Variants in FBXW11 observed in about 807,000 individuals in gnomAD.
The protein encoded by FBXW11 is F-box and WD repeat domain containing 11, also known as F-box/WD repeat-containing protein 11.
A neutral mutation model predicts 77.6 loss-of-function variants in FBXW11; 19 were observed. That is an observed-to-expected ratio of 0.24 (90% CI 0.17 to 0.36). The LOEUF is 0.36. FBXW11 is among the 10% of genes least tolerant of loss of function. FBXW11 has a pLI of 1.00. For synonymous variants in FBXW11, 235 were observed against 249.4 expected (o/e 0.94, Z 0.54); for missense variants, 334 against 704.2 (o/e 0.47, Z 5.95).
At chr5:171,881,159 T>C (rs762137623) in intron 7 of FBXW11, among the ~76,000 whole-genome samples, 3 of 152,196 alleles carry the variant, frequency 2.0e-5, no homozygotes, top group Non-Finnish European at 2.9e-5. Flanking sequence ...TCTACAATCA[T>C]GTCATCTACA....
intron 1 of FBXW11, among the ~76,000 whole-genome samples, chr5:171,991,652 C>G (rs1198232983): frequency 6.6e-6 from 1 of 152,156 alleles, no homozygotes. Flanking sequence ...TTTTTGTCAC[C>G]AGATGCATAA....
At chr5:171,915,565 A>C (rs1761170249) in intron 2 of FBXW11, among the ~76,000 whole-genome samples, 1 of 150,636 alleles carries the variant, frequency 6.6e-6, no homozygotes, top group Non-Finnish European at 1.5e-5. Flanking sequence ...GGAAAGTCAA[A>C]GGCTTTGAAG....
intron 10 of FBXW11, 53 bp from the exon 11 acceptor site, chr5:171,870,911 T>C (rs1581122752): frequency 7.7e-7 from 1 of 1,294,334 alleles, no homozygotes; most frequent in Non-Finnish European, 1.1e-6. Flanking sequence ...CGATTCACAC[T>C]ATCCGTAAGT....
intron 1 of FBXW11, among the ~76,000 whole-genome samples, chr5:171,985,020 G>A (rs560461657): frequency 8.5e-5 from 13 of 152,230 alleles, no homozygotes; most frequent in African/African-American, 2.6e-4. Context: ...TCTCTTAATA[G>A]TCTGATTTAC....
intron 7 of FBXW11, among the ~76,000 whole-genome samples, chr5:171,888,113 C>G (rs1433435903): frequency 6.6e-6 from 1 of 152,168 alleles, no homozygotes; most frequent in African/African-American, 2.4e-5. Flanking sequence ...GGTTTCTTTT[C>G]TCTCTTCTCT....
At chr5:171,868,925 A>G (rs1170432436) in intron 12 of FBXW11, 129 bp from the exon 13 acceptor site, 18 of 720,726 alleles carry the variant, frequency 2.5e-5, no homozygotes, top group Non-Finnish European at 3.5e-5. Flanking sequence ...TACAGAGCTC[A>G]CTGAACTGTG....
chr5:171,950,882 G>T (rs1763275996), intron 2 of FBXW11, among the ~76,000 whole-genome samples: 1 of 151,866 alleles, frequency 6.6e-6, no homozygotes, highest in Non-Finnish European at 1.5e-5. Context: ...GTTAGACTCG[G>T]TCTCAAAAAA....
chr5:171,920,428 A>AC (rs1053387640), intron 2 of FBXW11, among the ~76,000 whole-genome samples: 12 of 151,222 alleles, frequency 7.9e-5, no homozygotes, highest in Admixed American at 5.9e-4. Flanking sequence ...AAAAAAAAAA[A>AC]AAAAAACCCT....
intron 10 of FBXW11, 41 bp downstream of exon 10, chr5:171,872,831 A>T: frequency 1.3e-6 from 2 of 1,492,134 alleles, no homozygotes; most frequent in Non-Finnish European, 1.9e-6. Context: ...ACAATGTGGC[A>T]AAAATCAGCC....
intron 1 of FBXW11, among the ~76,000 whole-genome samples, chr5:171,982,741 T>C (rs1386406127): frequency 6.6e-6 from 1 of 152,124 alleles, no homozygotes; most frequent in Admixed American, 6.5e-5. Flanking sequence ...TGTTACAGTG[T>C]TTTGTTATAA....
At chr5:171,920,735 A>C (rs573510780) in intron 2 of FBXW11, among the ~76,000 whole-genome samples, 1 of 152,290 alleles carries the variant, frequency 6.6e-6, no homozygotes, top group South Asian at 2.1e-4. Context: ...AAAATAAAAA[A>C]TAACTGAAAA....
At chr5:171,949,231 G>A (rs1763182519) in intron 2 of FBXW11, among the ~76,000 whole-genome samples, 1 of 152,186 alleles carries the variant, frequency 6.6e-6, no homozygotes, top group Non-Finnish European at 1.5e-5. Context: ...AGGTGAAGAA[G>A]AATAAAAGCT....
intron 1 of FBXW11, among the ~76,000 whole-genome samples, chr5:171,959,414 G>GT (rs1331567699): frequency 1.3e-5 from 2 of 152,070 alleles, no homozygotes; most frequent in African/African-American, 4.8e-5. Context: ...CAATAACCCT[G>GT]TAAAATAGGT....
intron 11 of FBXW11, 140 bp downstream of exon 11, chr5:171,870,608 A>G: frequency 1.7e-6 from 1 of 587,844 alleles, no homozygotes. Context: ...CCTAAACAAC[A>G]GGTATAATAA....
chr5:171,874,752 C>CAA lies in FBXW11; in HGVS notation c.1221+1531_1221+1532dup, dbSNP rs34775989. ...GTGACAAAGTGAGACCTGGTCTCTA[C>CAA]AAAAAAAAAAAAAAAAAAAAAAAAA... On this transcript the variant is annotated intron_variant, in intron 9 of 13. Transcript: ENST00000517395. Among the ~76,000 whole-genome samples the CAA allele has an allele frequency of 6.0e-3, 230 of 38,024 alleles. 3 individuals are homozygous for CAA. The highest frequency in any genetic ancestry group is 8.4e-3 in the African/African-American group (110 of 13,060). 24.9% of individuals were successfully genotyped at this position (38,024 alleles called of 152,430 possible).
intron 1 of FBXW11, among the ~76,000 whole-genome samples, chr5:171,958,744 T>C (rs1291360788): frequency 6.6e-6 from 1 of 152,194 alleles, no homozygotes; most frequent in Non-Finnish European, 1.5e-5. Context: ...ATCATTCAGA[T>C]ATAAAGTCAA....
At chr5:171,958,568 A>T (rs1763736947) in intron 1 of FBXW11, among the ~76,000 whole-genome samples, 1 of 152,236 alleles carries the variant, frequency 6.6e-6, no homozygotes, top group Non-Finnish European at 1.5e-5. Flanking sequence ...ACTAAGAATT[A>T]AAAAGCTTAT....
rs527458964 is a variant in FBXW11, at chr5:171,924,178, T to G, written c.148-9773A>C. On this transcript the variant is annotated intron_variant, in intron 2 of 13. Transcript: ENST00000517395. Reference sequence around the variant, plus strand: ...ACCTCGTGATCCACCCACATCGGCCTCCCAAAGTGCTGGGATTACAGGAAT... The same window carrying G: ...ACCTCGTGATCCACCCACATCGGCCGCCCAAAGTGCTGGGATTACAGGAAT... Among the ~76,000 whole-genome samples the G allele has an allele frequency of 1.5e-3, 230 of 151,926 alleles. 1 individual carries two copies. The highest frequency in any genetic ancestry group is 5.4e-3 in the African/African-American group (222 of 41,404).
chr5:171,977,193 A>G (rs1378362575), intron 1 of FBXW11, among the ~76,000 whole-genome samples: 1 of 151,708 alleles, frequency 6.6e-6, no homozygotes, highest in Non-Finnish European at 1.5e-5. Flanking sequence ...TTTAAAAATT[A>G]GTCGGGTATG....
Sources: allele counts gnomAD v4.1 joint callset (sites outside exome capture counted in the v4.1 genomes callset), GRCh38; gene constraint gnomAD v4.1.1; transcripts MANE v1.5; gene names NCBI Gene and HGNC (gene_info 2026-07-23, HGNC 2026-07-21).